LRP1B: variants seen among roughly 807,000 people sequenced by gnomAD.
The protein encoded by LRP1B is low-density lipoprotein receptor-related protein 1B.
Under a neutral mutation model 556.6 loss-of-function variants are expected in LRP1B, and 217 were observed. The ratio of observed to expected loss-of-function variants is 0.39; its 90% CI spans 0.35 to 0.44. The LOEUF is 0.44. Among genes scored for constraint, LRP1B ranks in the 20% least tolerant of loss-of-function variants. The pLI, the probability that LRP1B is intolerant of heterozygous loss-of-function variation, is 1.00. For synonymous variants in LRP1B, 2,047 were observed against 1,865.8 expected (o/e 1.10, Z -2.50); for missense variants, 5,053 against 5,620.8 (o/e 0.90, Z 3.23).
At chr2:140,445,022 T>C (rs1024808280) in intron 63 of LRP1B, among the ~76,000 whole-genome samples, 2 of 152,180 alleles carry the variant, frequency 1.3e-5, no homozygotes, top group Non-Finnish European at 2.9e-5. Context: ...TAACAAAAAC[T>C]GTTATTCCAA....
At position 140,501,892 on chromosome 2, in the gene LRP1B, C is replaced by A; in HGVS notation, c.8663-18G>T. The stretch of plus-strand genomic sequence containing the variant: ...TGACTGTTCTGGAAAAAAAATAAAA[C>A]AAATGGAACATAAAGGGCATGCCAT... On this transcript the variant is annotated intron_variant, in intron 54 of 90. Coordinates refer to ENST00000389484, the MANE Select transcript of LRP1B (RefSeq NM_018557.3). 6.4e-7 allele frequency: 1 copy of A among 1,569,470 alleles called. No homozygotes were observed. The highest frequency in any genetic ancestry group is 2.3e-5 in the East Asian group (1 of 44,154).
intron 60 of LRP1B, among the ~76,000 whole-genome samples, chr2:140,469,888 C>T (rs1004776442): frequency 2.0e-5 from 3 of 152,276 alleles, no homozygotes; most frequent in African/African-American, 7.2e-5. Flanking sequence ...TACTTAATCT[C>T]TTTGAACATA....
intron 1 of LRP1B, among the ~76,000 whole-genome samples, chr2:141,907,428 GCTTT>G (rs1238117422): frequency 6.6e-6 from 1 of 151,338 alleles, no homozygotes; most frequent in African/African-American, 2.4e-5. Flanking sequence ...TTTCTATATC[GCTTT>G]CTAAATTTAT....
chr2:140,697,492 G>A (rs1308589343), intron 41 of LRP1B, among the ~76,000 whole-genome samples: 2 of 151,836 alleles, frequency 1.3e-5, no homozygotes, highest in African/African-American at 4.8e-5. Context: ...GTACACCAAT[G>A]TTCATTGCAG....
chr2:141,429,804 C>T (rs1336376164), intron 3 of LRP1B, among the ~76,000 whole-genome samples: 1 of 152,044 alleles, frequency 6.6e-6, no homozygotes, highest in Non-Finnish European at 1.5e-5. Flanking sequence ...ATCCATGTCC[C>T]TGCAAAGGAC....
chr2:142,069,705 A>G (rs980097958), intron 1 of LRP1B, among the ~76,000 whole-genome samples: 4 of 151,844 alleles, frequency 2.6e-5, no homozygotes, highest in African/African-American at 4.8e-5. Context: ...AAGGTTTTGC[A>G]TGCGAACTTT....
At position 141,068,557 on chromosome 2, in the gene LRP1B, CAAAAAA is replaced by C. The variant is rs564540035; in HGVS notation, c.1014-6290_1014-6285del. On this transcript the variant is annotated intron_variant, in intron 7 of 90. Transcript: ENST00000389484. Reference sequence around the variant, plus strand: ...TCCTCCTGACTGCACATGTGGTTGGCAAAAAAAAAAAAAAAAAAAAGGAAAGATGGT... The same window carrying C: ...TCCTCCTGACTGCACATGTGGTTGGCAAAAAAAAAAAAAAGGAAAGATGGT... Among the ~76,000 whole-genome samples, 26 of 71,606 alleles carry C rather than the reference CAAAAAA, an allele frequency of 3.6e-4. No homozygotes were observed. The East Asian group carries it at 5.3e-3, about 15-fold the overall frequency. 47.0% of individuals were successfully genotyped at this position (71,606 alleles called of 152,430 possible). A position where few individuals can be genotyped will look rare whatever the true frequency, so the allele number is the denominator to read the frequency against.
intron 37 of LRP1B, among the ~76,000 whole-genome samples, chr2:140,707,579 T>C (rs1300904558): frequency 6.6e-6 from 1 of 152,112 alleles, no homozygotes; most frequent in Admixed American, 6.6e-5. Context: ...AACATGTCCA[T>C]GGCTACATCT....
At chr2:141,501,422 C>G (rs1683707117) in intron 2 of LRP1B, among the ~76,000 whole-genome samples, 1 of 152,078 alleles carries the variant, frequency 6.6e-6, no homozygotes, top group South Asian at 2.1e-4. Context: ...TCATAGTATA[C>G]TACATGAAAA....
Position 140,457,658 on chromosome 2 carries a change from T to C in LRP1B, c.9626-7A>G, listed in dbSNP as rs368789355. On this transcript the variant is annotated splice_polypyrimidine_tract_variant and splice_region_variant and intron_variant, in intron 60 of 90. Coordinates refer to ENST00000389484, the MANE Select transcript of LRP1B (RefSeq NM_018557.3). ...GGAATATCTTGATTAGGGACTGTAATAGGAGATGGTAAGATTAATGTTCAG... is the reference window on the plus strand; with the variant it reads ...GGAATATCTTGATTAGGGACTGTAACAGGAGATGGTAAGATTAATGTTCAG... 19 of 1,605,050 alleles carry C rather than the reference T, an allele frequency of 1.2e-5. No homozygotes were observed. The African/African-American group carries it at 2.0e-4, about 17-fold the overall frequency.
At chr2:141,186,781 C>T (rs1028388690) in intron 7 of LRP1B, among the ~76,000 whole-genome samples, 3 of 151,908 alleles carry the variant, frequency 2.0e-5, no homozygotes, top group Non-Finnish European at 4.4e-5. Flanking sequence ...CAGGGAGAAA[C>T]AGGAAACCTG....
chr2:141,575,523 T>G (rs35559883), intron 2 of LRP1B, among the ~76,000 whole-genome samples: 11,741 of 152,194 alleles, frequency 0.077, 555 homozygotes, highest in South Asian at 0.13. Context: ...GGCAATATCA[T>G]TCAGGACACA....
Position 141,704,341 on chromosome 2 carries a change from G to A in LRP1B, c.205+105938C>T, listed in dbSNP as rs771233136. On this transcript the variant is annotated intron_variant, in intron 2 of 90. Coordinates refer to ENST00000389484, the MANE Select transcript of LRP1B (RefSeq NM_018557.3). Reference sequence around the variant, plus strand: ...AGAACTTCTCTACTTCTCATGTAAGGGTGGTTTAAAAGATCAACTTGAAAC... The same window carrying A: ...AGAACTTCTCTACTTCTCATGTAAGAGTGGTTTAAAAGATCAACTTGAAAC... Among the ~76,000 whole-genome samples the A allele has an allele frequency of 2.4e-4, 36 of 151,670 alleles. 1 individual carries two copies. Among genetic ancestry groups the A allele is most frequent in the Non-Finnish European group, 7.4e-5 (5 of 67,886 alleles).
intron 82 of LRP1B, among the ~76,000 whole-genome samples, chr2:140,321,485 G>T (rs1680125074): frequency 6.6e-6 from 1 of 151,774 alleles, no homozygotes; most frequent in Admixed American, 6.6e-5. Context: ...AATAGCAGTA[G>T]TAGTAGTATT....
chr2:141,860,375 T>G (rs1698197980), intron 1 of LRP1B, among the ~76,000 whole-genome samples: 1 of 152,194 alleles, frequency 6.6e-6, no homozygotes, highest in Admixed American at 6.5e-5. Flanking sequence ...GAATTACTCA[T>G]CTTGGCTGTA....
intron 1 of LRP1B, among the ~76,000 whole-genome samples, chr2:142,022,831 C>T (rs933487953): frequency 2.6e-5 from 4 of 152,022 alleles, no homozygotes; most frequent in African/African-American, 7.2e-5. Flanking sequence ...CCATCACGCC[C>T]GGCTAATTTT....
intron 82 of LRP1B, among the ~76,000 whole-genome samples, chr2:140,321,138 T>G (rs560958835): frequency 1.8e-4 from 28 of 152,246 alleles, no homozygotes; most frequent in African/African-American, 6.7e-4. Flanking sequence ...TTCCCCATTA[T>G]ACCTAATGTC....
intron 41 of LRP1B, among the ~76,000 whole-genome samples, chr2:140,627,817 C>T (rs1184187044): frequency 6.6e-6 from 1 of 152,204 alleles, no homozygotes; most frequent in East Asian, 1.9e-4. Context: ...GTAAGACACT[C>T]TTTGCCACTT....
At chr2:141,455,105 A>C (rs72848062) in intron 3 of LRP1B, among the ~76,000 whole-genome samples, 13,003 of 152,198 alleles carry the variant, frequency 0.085, 816 homozygotes, top group Non-Finnish European at 0.13. Context: ...ACATGAATTT[A>C]AACTGTCTCT....
Sources: gnomAD v4.1 joint callset for allele counts (sites outside exome capture counted in the v4.1 genomes callset) on GRCh38, gnomAD v4.1.1 for gene constraint, MANE v1.5 for transcripts, NCBI Gene and HGNC (gene_info 2026-07-23, HGNC 2026-07-21) for gene names.